The following SULT1B1 variants were observed in gnomAD, a reference collection of about 807,000 sequenced individuals.
The protein encoded by SULT1B1 is sulfotransferase 1B1.
A neutral mutation model predicts 34.6 loss-of-function variants in SULT1B1; 28 were observed. The observed-to-expected ratio is 0.81, with a 90% CI of 0.60 to 1.11. The LOEUF is 1.11. Among genes scored for constraint, SULT1B1 ranks in the 50% least tolerant of loss-of-function variants. The pLI, the probability that SULT1B1 is intolerant of heterozygous loss-of-function variation, is 0.00. For synonymous variants in SULT1B1, 147 were observed against 110.2 expected (o/e 1.33, Z -2.09); for missense variants, 374 against 352.2 (o/e 1.06, Z -0.50).
rs1719145441 is a variant in SULT1B1, at chr4:69,755,241, T to C, written c.-24A>G. On this transcript the variant is annotated 5_prime_UTR_variant, in exon 2 of 8. In the 5' UTR this introduces an upstream ATG that the reference lacks. Transcript: ENST00000310613. ...ATTTTAATACCAGATTGTACAAATATATAATAGATTGACAGTTGTTCTGGA... is the reference window on the plus strand; with the variant it reads ...ATTTTAATACCAGATTGTACAAATACATAATAGATTGACAGTTGTTCTGGA... 1.9e-6 allele frequency: 3 copies of C among 1,603,368 alleles called. No homozygotes were observed. The highest frequency in any genetic ancestry group is 1.3e-5 in the African/African-American group (1 of 74,656).
intron 5 of SULT1B1, 116 bp downstream of exon 5, chr4:69,734,022 T>G: frequency 2.2e-6 from 2 of 903,362 alleles, no homozygotes; most frequent in African/African-American, 3.5e-5. Context: ...AGATAATATT[T>G]GAACATACTT....
At chr4:69,744,532 G>T (rs1718677862) in intron 4 of SULT1B1, among the ~76,000 whole-genome samples, 1 of 152,206 alleles carries the variant, frequency 6.6e-6, no homozygotes, top group South Asian at 2.1e-4. Flanking sequence ...GGACTATAAA[G>T]GTGTTCCTAG....
At chr4:69,736,461 G>C (rs536503649) in intron 4 of SULT1B1, among the ~76,000 whole-genome samples, 7 of 152,252 alleles carry the variant, frequency 4.6e-5, no homozygotes, top group South Asian at 2.1e-4. Flanking sequence ...GCAGAGGAGA[G>C]GGAAGAGCAA....
In SULT1B1 at chr4:69,755,237, A is replaced by G; in HGVS notation, c.-20T>C. On this transcript the variant is annotated 5_prime_UTR_variant, in exon 2 of 8. Coordinates refer to ENST00000310613, the MANE Select transcript of SULT1B1 (RefSeq NM_014465.4). ...AAGCATTTTAATACCAGATTGTACA[A>G]ATATATAATAGATTGACAGTTGTTC... The G allele has an allele frequency of 6.2e-7, 1 of 1,607,430 alleles. No homozygotes were observed. Among genetic ancestry groups the G allele is most frequent in the Non-Finnish European group, 8.5e-7 (1 of 1,174,390 alleles).
intron 7 of SULT1B1, among the ~76,000 whole-genome samples, chr4:69,728,444 TACTTA>T (rs560514211): frequency 6.6e-6 from 1 of 152,066 alleles, no homozygotes; most frequent in African/African-American, 2.4e-5. Context: ...CATTTGTTCA[TACTTA>T]ACTTCTTTCA....
chr4:69,735,236 G>T (rs1718255544), intron 4 of SULT1B1, among the ~76,000 whole-genome samples: 1 of 152,080 alleles, frequency 6.6e-6, no homozygotes, highest in Admixed American at 6.6e-5. Context: ...TTCCTCCTAG[G>T]TGTCCTTTTT....
intron 4 of SULT1B1, among the ~76,000 whole-genome samples, chr4:69,736,729 C>T (rs547656921): frequency 1.3e-5 from 2 of 151,302 alleles, no homozygotes; most frequent in Non-Finnish European, 2.9e-5. Flanking sequence ...CTAGATGGAC[C>T]GAATAGTGTA....
intron 3 of SULT1B1, among the ~76,000 whole-genome samples, 180 bp downstream of exon 3, chr4:69,754,490 A>G (rs549768322): frequency 6.6e-6 from 1 of 152,264 alleles, no homozygotes; most frequent in African/African-American, 2.4e-5. Flanking sequence ...TTGATATCAT[A>G]CCTGGATGTA....
At chr4:69,745,597 T>C (rs13116816) in intron 4 of SULT1B1, among the ~76,000 whole-genome samples, 44,801 of 152,152 alleles carry the variant, frequency 0.29, 7,706 homozygotes, top group South Asian at 0.45. Context: ...CTATGGGTGT[T>C]GTTGCATGTG....
At chr4:69,756,073 T>A (rs1341442752) in intron 1 of SULT1B1, among the ~76,000 whole-genome samples, 1 of 152,234 alleles carries the variant, frequency 6.6e-6, no homozygotes, top group Non-Finnish European at 1.5e-5. Flanking sequence ...TCTTTACTCC[T>A]ATCCAGTGTA....
In SULT1B1 at chr4:69,754,522, C is replaced by T. The variant is rs1156623766; in HGVS notation, c.277+148G>A. 9 of 668,842 alleles carry T rather than the reference C, an allele frequency of 1.3e-5. No individual in the cohort carries two copies. The East Asian group carries it at 2.3e-4, about 17-fold the overall frequency. 41.4% of individuals were successfully genotyped at this position (668,842 alleles called of 1,614,324 possible). On this transcript the variant is annotated intron_variant, in intron 3 of 7. Transcript: ENST00000310613. ...TGTACAACAGATAAAAATAAAGTTT[C>T]TTCTTATTCTTCAGTTTTATATTGT...
At chr4:69,758,659 A>G (rs1047115878) in intron 1 of SULT1B1, among the ~76,000 whole-genome samples, 1 of 152,212 alleles carries the variant, frequency 6.6e-6, no homozygotes, top group Non-Finnish European at 1.5e-5. Flanking sequence ...AAGTGAATGA[A>G]TATTGAGGGA....
chr4:69,729,797 C>T (rs191430184), intron 7 of SULT1B1, among the ~76,000 whole-genome samples: 19 of 151,966 alleles, frequency 1.3e-4, no homozygotes, highest in African/African-American at 3.9e-4. Flanking sequence ...GAAAACAGAT[C>T]GTGGCATTAT....
At chr4:69,742,818 G>A (rs1027127794) in intron 4 of SULT1B1, among the ~76,000 whole-genome samples, 9 of 152,372 alleles carry the variant, frequency 5.9e-5, no homozygotes, top group African/African-American at 1.7e-4. Context: ...TGGCCATTGC[G>A]CAGAGCCCGG....
rs528727999 is a variant in SULT1B1, at chr4:69,722,401, A to G, written c.*4687T>C. ...ACCATAGTATCAGAAATCCGTATAT[A>G]TTCAGGCCACATTAACTTATTATTT... On this transcript the variant is annotated 3_prime_UTR_variant, in exon 8 of 8. Coordinates refer to ENST00000310613, the MANE Select transcript of SULT1B1 (RefSeq NM_014465.4). 2 of 152,264 alleles carry G rather than the reference A, an allele frequency of 1.3e-5. No homozygotes were observed. Among genetic ancestry groups the G allele is most frequent in the South Asian group, 4.1e-4 (2 of 4,830 alleles). The allele number at this position is 152,264 out of a possible 1,614,324, so 9.4% of individuals were successfully genotyped here.
chr4:69,751,665 G>C (rs904404507), intron 3 of SULT1B1, among the ~76,000 whole-genome samples: 5 of 152,032 alleles, frequency 3.3e-5, no homozygotes, highest in Non-Finnish European at 5.9e-5. Context: ...TGTTAGCCAG[G>C]ACTGTCTCGA....
At chr4:69,728,070 A>G (rs149774663) in intron 7 of SULT1B1, among the ~76,000 whole-genome samples, 3 of 152,064 alleles carry the variant, frequency 2.0e-5, no homozygotes, top group Non-Finnish European at 4.4e-5. Flanking sequence ...ATTTTGTTCT[A>G]TGTTCACCAG....
intron 4 of SULT1B1, among the ~76,000 whole-genome samples, chr4:69,738,653 T>A (rs1369741854): frequency 6.6e-6 from 1 of 152,148 alleles, no homozygotes; most frequent in African/African-American, 2.4e-5. Flanking sequence ...CATTCTTCCA[T>A]GGTCCCTCCC....
Position 69,727,236 on chromosome 4 carries a change from A to G in SULT1B1, c.779-36T>C, listed in dbSNP as rs201947493. The G allele has an allele frequency of 4.1e-4, 627 of 1,534,810 alleles. 3 individuals are homozygous for G. The African/African-American group carries it at 7.6e-3, about 19-fold the overall frequency. ...ATAAAAAAACATAGGAAAGAATAAA[A>G]TATTTCCATAAGAAGAAATCAGTAT... On this transcript the variant is annotated intron_variant, in intron 7 of 7. Coordinates refer to ENST00000310613, the MANE Select transcript of SULT1B1 (RefSeq NM_014465.4).
Sources: allele counts gnomAD v4.1 joint callset (sites outside exome capture counted in the v4.1 genomes callset), GRCh38; gene constraint gnomAD v4.1.1; transcripts MANE v1.5; gene names NCBI Gene and HGNC (gene_info 2026-07-23, HGNC 2026-07-21).